Variants in NPFFR2 observed in about 807,000 individuals in gnomAD.
NPFFR2 encodes G-protein coupled receptor 74.
In NPFFR2, 15 loss-of-function variants were observed where a neutral mutation model predicts 13.1. The ratio of observed to expected loss-of-function variants is 1.15; its 90% CI spans 0.77 to 1.76. The LOEUF is 1.76. Ranked by LOEUF, NPFFR2 falls within the 40% of genes most tolerant of loss-of-function variation. The pLI, the probability that NPFFR2 is intolerant of heterozygous loss-of-function variation, is 0.00. For synonymous variants in NPFFR2, 190 were observed against 175.7 expected, an observed-to-expected ratio of 1.08 and a Z score of -0.65; for missense variants, 572 against 503.5, an observed-to-expected ratio of 1.14 and a Z score of -1.30.
At chr4:72,060,714 A>G (rs895208059) in intron 1 of NPFFR2, among the ~76,000 whole-genome samples, 53 of 152,000 alleles carry the variant, frequency 3.5e-4, no homozygotes, top group African/African-American at 1.3e-3. Context: ...TGTCATTCTT[A>G]TTATTATTTG....
At chr4:72,122,480 A>G (rs993043089) in intron 1 of NPFFR2, among the ~76,000 whole-genome samples, 1 of 152,216 alleles carries the variant, frequency 6.6e-6, no homozygotes, top group Non-Finnish European at 1.5e-5. Context: ...CACTTATTCT[A>G]AAATTGACCA....
intron 1 of NPFFR2, among the ~76,000 whole-genome samples, chr4:72,101,840 G>A (rs1475611938): frequency 6.6e-6 from 1 of 152,006 alleles, no homozygotes; most frequent in Non-Finnish European, 1.5e-5. Flanking sequence ...TCATGGGCAA[G>A]GTTGTTAGCC....
chr4:72,147,904 A>G lies in NPFFR2; in HGVS notation c.*92A>G, dbSNP rs566600128. Reference sequence around the variant, plus strand: ...CTTTGCACTTCAAATTTTTCAAAGAATGTTCTAAATAAAACATTTACTGAA... The same window carrying G: ...CTTTGCACTTCAAATTTTTCAAAGAGTGTTCTAAATAAAACATTTACTGAA... On this transcript the variant is annotated 3_prime_UTR_variant, in exon 4 of 4. Transcript: ENST00000308744. The G allele has an allele frequency of 3.0e-6, 3 of 992,210 alleles. No individual in the cohort carries two copies. The highest frequency in any genetic ancestry group is 2.0e-5 in the South Asian group (1 of 48,954). 61.5% of individuals were successfully genotyped at this position (992,210 alleles called of 1,614,324 possible).
intron 1 of NPFFR2, among the ~76,000 whole-genome samples, chr4:72,080,569 GT>G (rs1192414851): frequency 2.0e-5 from 3 of 152,026 alleles, no homozygotes; most frequent in Admixed American, 2.0e-4. Flanking sequence ...ATAAATCCAG[GT>G]TTATTTTCTC....
intron 1 of NPFFR2, among the ~76,000 whole-genome samples, chr4:72,056,577 A>AT (rs779992379): frequency 6.3e-4 from 96 of 152,016 alleles, no homozygotes; most frequent in Non-Finnish European, 1.0e-3. Context: ...TAAGAAATAC[A>AT]TTTTTTAAGG....
At chr4:72,127,785 A>C (rs954285701) in intron 1 of NPFFR2, among the ~76,000 whole-genome samples, 4 of 152,092 alleles carry the variant, frequency 2.6e-5, no homozygotes, top group Non-Finnish European at 4.4e-5. Context: ...GAAATATAAA[A>C]AAATAATATT....
At chr4:72,110,944 A>T (rs1578462073) in intron 1 of NPFFR2, among the ~76,000 whole-genome samples, 2 of 151,092 alleles carry the variant, frequency 1.3e-5, no homozygotes, top group Non-Finnish European at 2.9e-5. Context: ...GATTGAAGAA[A>T]ACAAAAACAA....
At chr4:72,050,044 A>C (rs1356157354) in intron 1 of NPFFR2, among the ~76,000 whole-genome samples, 1 of 152,046 alleles carries the variant, frequency 6.6e-6, no homozygotes. Context: ...CCAAACCTCC[A>C]AGGATGGGAG....
intron 2 of NPFFR2, among the ~76,000 whole-genome samples, chr4:72,137,203 G>A (rs1174752433): frequency 2.0e-5 from 3 of 152,014 alleles, no homozygotes; most frequent in African/African-American, 7.2e-5. Flanking sequence ...AATACTTTAT[G>A]TGTAAGAATA....
At chr4:72,086,631 CAG>C (rs1437358251) in intron 1 of NPFFR2, among the ~76,000 whole-genome samples, 2 of 151,984 alleles carry the variant, frequency 1.3e-5, no homozygotes, top group Admixed American at 6.6e-5. Flanking sequence ...AACTAGTTAA[CAG>C]AGAAAAAAGT....
intron 2 of NPFFR2, 149 bp from the exon 3 acceptor site, chr4:72,137,891 T>C: frequency 3.2e-6 from 2 of 626,982 alleles, no homozygotes; most frequent in Non-Finnish European, 2.8e-6. Context: ...TCTGGAGATA[T>C]TAGGGGAAAT....
intron 1 of NPFFR2, among the ~76,000 whole-genome samples, chr4:72,069,555 ATGT>A (rs1484941288): frequency 2.0e-5 from 3 of 152,138 alleles, no homozygotes; most frequent in Non-Finnish European, 2.9e-5. Context: ...ATCACTGCAG[ATGT>A]TGTTATTACT....
At chr4:72,100,403 G>A (rs1258907463) in intron 1 of NPFFR2, among the ~76,000 whole-genome samples, 2 of 151,998 alleles carry the variant, frequency 1.3e-5, no homozygotes, top group East Asian at 3.9e-4. Context: ...TTATAAAATA[G>A]GTGTTACAGT....
Position 72,070,012 on chromosome 4 carries a change from T to C in NPFFR2, c.-8+37812T>C, listed in dbSNP as rs1222699990. ...AGCATATGACTAAAACTAATATTAG[T>C]CTAATATATCAATACTGGTATTATT... is the stretch of plus-strand genomic sequence containing the variant. On this transcript the variant is annotated intron_variant, in intron 1 of 3. Transcript: ENST00000308744. Among the ~76,000 whole-genome samples the C allele has an allele frequency of 5.3e-5, 8 of 152,260 alleles. No homozygotes were observed. In the South Asian group the frequency reaches 1.2e-3, roughly 24 times the overall value.
intron 1 of NPFFR2, among the ~76,000 whole-genome samples, chr4:72,120,407 A>G (rs1375882324): frequency 6.6e-6 from 1 of 152,216 alleles, no homozygotes; most frequent in East Asian, 1.9e-4. Flanking sequence ...CAGCTCTGCT[A>G]AGGGCCAGAC....
At position 72,032,087 on chromosome 4, in the gene NPFFR2, A is replaced by G. The variant is rs1718937505; in HGVS notation, c.-121A>G. Reference sequence around the variant, plus strand: ...CCGCGGGGGACAGACGTCGGCTGGGATTGAGCCGGCAGACTGCGAAAAGTA... The same window carrying G: ...CCGCGGGGGACAGACGTCGGCTGGGGTTGAGCCGGCAGACTGCGAAAAGTA... On this transcript the variant is annotated 5_prime_UTR_variant, in exon 1 of 4. Transcript: ENST00000308744. The G allele has an allele frequency of 1.9e-6, 3 of 1,614,054 alleles. No homozygotes were observed. Among genetic ancestry groups the G allele is most frequent in the Non-Finnish European group, 2.5e-6 (3 of 1,179,974 alleles).
At chr4:72,039,809 T>TA (rs1719157181) in intron 1 of NPFFR2, among the ~76,000 whole-genome samples, 1 of 152,228 alleles carries the variant, frequency 6.6e-6, no homozygotes, top group Admixed American at 6.5e-5. Context: ...TATGTTGCCT[T>TA]ATTGCTTTCT....
At chr4:72,041,840 G>A (rs1442031556) in intron 1 of NPFFR2, among the ~76,000 whole-genome samples, 1 of 152,082 alleles carries the variant, frequency 6.6e-6, no homozygotes, top group Non-Finnish European at 1.5e-5. Flanking sequence ...TTTTAATGGA[G>A]TTTATTTTTT....
intron 1 of NPFFR2, among the ~76,000 whole-genome samples, chr4:72,123,448 C>T (rs909690518): frequency 6.6e-6 from 1 of 152,128 alleles, no homozygotes; most frequent in Non-Finnish European, 1.5e-5. Flanking sequence ...CAAAACCTGG[C>T]AGAGACACAA....
Sources: allele counts gnomAD v4.1 joint callset (sites outside exome capture counted in the v4.1 genomes callset), GRCh38; gene constraint gnomAD v4.1.1; transcripts MANE v1.5; gene names NCBI Gene and HGNC (gene_info 2026-07-23, HGNC 2026-07-21).